Variants in NEK7 observed in about 807,000 individuals in gnomAD.
NEK7 encodes NIMA related kinase 7, also known as serine/threonine-protein kinase Nek7.
A neutral mutation model predicts 44.6 loss-of-function variants in NEK7; 18 were observed. That is an observed-to-expected ratio of 0.40 (90% CI 0.28 to 0.60). The LOEUF (loss-of-function observed/expected upper bound fraction) is 0.60. Ranked by LOEUF, NEK7 falls within the 20% of genes least tolerant of loss-of-function variation. NEK7 has a pLI of 0.38. For missense variants in NEK7, 256 were observed against 366.5 expected (o/e 0.70, Z 2.46); for synonymous variants, 130 against 121.1 (o/e 1.07, Z -0.48).
intron 1 of NEK7, among the ~76,000 whole-genome samples, chr1:198,200,552 C>CT (rs531448626): frequency 0.054 from 7,137 of 131,330 alleles, 250 homozygotes; most frequent in Middle Eastern, 0.081. Context: ...TTCTTTCTTT[C>CT]TTTTTTTTTT....
chr1:198,203,574 C>T (rs1259677089), intron 1 of NEK7, among the ~76,000 whole-genome samples: 2 of 152,212 alleles, frequency 1.3e-5, no homozygotes, highest in Non-Finnish European at 2.9e-5. Context: ...GAAGCTGATT[C>T]TGTTGTGACT....
intron 1 of NEK7, among the ~76,000 whole-genome samples, chr1:198,229,727 T>C (rs1666331121): frequency 6.6e-6 from 1 of 152,232 alleles, no homozygotes; most frequent in African/African-American, 2.4e-5. Context: ...TTCACTCTTT[T>C]TAAGTTTACA....
intron 7 of NEK7, among the ~76,000 whole-genome samples, chr1:198,282,283 C>T (rs1654226124): frequency 6.6e-6 from 1 of 151,998 alleles, no homozygotes; most frequent in Non-Finnish European, 1.5e-5. Context: ...CCTCAAAATC[C>T]TCCTTGGTTC....
chr1:198,213,151 C>A lies in NEK7; in HGVS notation c.-28-19402C>A, dbSNP rs745872599. On this transcript the variant is annotated intron_variant, in intron 1 of 9. Coordinates refer to ENST00000367385, the MANE Select transcript of NEK7 (RefSeq NM_133494.3). ...GCACCAATCTGGAGTGGGACAGCAT[C>A]ACTTGACCGAGAGTCATAGAAGGAT... 1.1e-3 allele frequency among the ~76,000 whole-genome samples: 172 copies of A among 152,168 alleles called. 1 individual carries two copies. Among genetic ancestry groups the A allele is most frequent in the Non-Finnish European group, 2.4e-3 (162 of 68,026 alleles).
chr1:198,197,771 G>A, intron 1 of NEK7: 2 of 696,456 alleles, frequency 2.9e-6, no homozygotes, highest in South Asian at 2.8e-5. Flanking sequence ...AAGGTCCAGG[G>A]CCTGTATTCA....
chr1:198,197,453 CAAAT>C (rs1395411271), intron 1 of NEK7, among the ~76,000 whole-genome samples: 32 of 152,158 alleles, frequency 2.1e-4, no homozygotes, highest in Non-Finnish European at 1.5e-5. Flanking sequence ...GTGCAACAAA[CAAAT>C]AGTACATTAC....
At chr1:198,279,467 GTTA>G (rs1654122116) in intron 7 of NEK7, among the ~76,000 whole-genome samples, 1 of 151,898 alleles carries the variant, frequency 6.6e-6, no homozygotes, top group African/African-American at 2.4e-5. Context: ...GGCTGTGAGT[GTTA>G]TTGTTTAGAA....
intron 9 of NEK7, among the ~76,000 whole-genome samples, chr1:198,300,933 C>T (rs1273170206): frequency 2.0e-5 from 3 of 152,116 alleles, no homozygotes. Context: ...CTCTGTAATG[C>T]CAGGTGTCCA....
Position 198,292,160 on chromosome 1 carries a change from A to G in NEK7, c.590-785A>G, listed in dbSNP as rs547720659. Among the ~76,000 whole-genome samples the G allele has an allele frequency of 2.5e-4, 38 of 152,216 alleles. No homozygotes were observed. The South Asian group carries it at 5.0e-3, about 20-fold the overall frequency. On this transcript the variant is annotated intron_variant, in intron 7 of 9. Transcript: ENST00000367385. ...AAGATACTCACTTTGAAAGTCACTT[A>G]AATATTTTTACACTTCAAAGTGTAA... is the stretch of plus-strand genomic sequence containing the variant.
Position 198,211,893 on chromosome 1 carries a change from A to G in NEK7, c.-28-20660A>G, listed in dbSNP as rs145894084. Among the ~76,000 whole-genome samples the G allele has an allele frequency of 2.3e-4, 35 of 152,356 alleles. No individual in the cohort carries two copies. In the East Asian group the frequency reaches 6.6e-3, roughly 29 times the overall value. ...GAAAGACGCAGTGGACAGTAGCACC[A>G]TGAACTGAATGGAAAACTGTCTTCA... is the stretch of plus-strand genomic sequence containing the variant. On this transcript the variant is annotated intron_variant, in intron 1 of 9. Coordinates refer to ENST00000367385, the MANE Select transcript of NEK7 (RefSeq NM_133494.3).
intron 2 of NEK7, among the ~76,000 whole-genome samples, chr1:198,238,291 A>G (rs13375354): frequency 0.2 from 30,119 of 151,870 alleles, 3,558 homozygotes; most frequent in African/African-American, 0.31. Context: ...CGGAACCACA[A>G]ACTTCTCCAT....
intron 3 of NEK7, among the ~76,000 whole-genome samples, chr1:198,261,042 G>A (rs1388575787): frequency 6.6e-6 from 1 of 151,948 alleles, no homozygotes; most frequent in African/African-American, 2.4e-5. Context: ...CTTATAAGCT[G>A]TAATTTTACA....
intron 1 of NEK7, among the ~76,000 whole-genome samples, chr1:198,157,518 G>C (rs1440400203): frequency 6.6e-6 from 1 of 152,236 alleles, no homozygotes; most frequent in Non-Finnish European, 1.5e-5. Flanking sequence ...CGGCTCTAGA[G>C]GCCCGAGGCC....
intron 1 of NEK7, among the ~76,000 whole-genome samples, chr1:198,168,134 C>T (rs1014470338): frequency 6.6e-5 from 10 of 152,136 alleles, no homozygotes; most frequent in African/African-American, 2.2e-4. Flanking sequence ...GTTTTCAAAT[C>T]GTGGGTCAAG....
rs140367957 is a variant in NEK7, at chr1:198,161,531, C to T, written c.-29+4255C>T. Among the ~76,000 whole-genome samples the T allele has an allele frequency of 2.0e-5, 3 of 152,298 alleles. No individual in the cohort carries two copies. In the East Asian group the frequency reaches 5.8e-4, roughly 29 times the overall value. On this transcript the variant is annotated intron_variant, in intron 1 of 9. Coordinates refer to ENST00000367385, the MANE Select transcript of NEK7 (RefSeq NM_133494.3). ...TGGGTTGATTCGGAATTTTCCACAA[C>T]AGCGTTTTATAATTATTTTTGTGCT...
intron 1 of NEK7, among the ~76,000 whole-genome samples, chr1:198,183,621 A>G (rs1311622223): frequency 2.0e-5 from 3 of 152,196 alleles, no homozygotes; most frequent in East Asian, 1.9e-4. Flanking sequence ...TGATACAACA[A>G]ATGTTCAAAT....
At chr1:198,222,982 A>G (rs371647408) in intron 1 of NEK7, among the ~76,000 whole-genome samples, 2 of 152,222 alleles carry the variant, frequency 1.3e-5, no homozygotes, top group Non-Finnish European at 2.9e-5. Flanking sequence ...GAGGATAGCA[A>G]ATACAAAGGC....
chr1:198,267,253 T>G (rs1253210918), intron 5 of NEK7, among the ~76,000 whole-genome samples: 1 of 151,760 alleles, frequency 6.6e-6, no homozygotes, highest in East Asian at 1.9e-4. Flanking sequence ...TACATGTATA[T>G]ACATGCACAC....
chr1:198,316,482 T>C (rs73082605), intron 9 of NEK7, among the ~76,000 whole-genome samples: 1,978 of 152,298 alleles, frequency 0.013, 49 homozygotes, highest in African/African-American at 0.045. Flanking sequence ...CAACAACTCA[T>C]AGTTAAACAG....
Sources: gnomAD v4.1 joint callset for allele counts (sites outside exome capture counted in the v4.1 genomes callset) on GRCh38, gnomAD v4.1.1 for gene constraint, MANE v1.5 for transcripts, NCBI Gene and HGNC (gene_info 2026-07-23, HGNC 2026-07-21) for gene names.